Variants in CTTNBP2NL observed in about 807,000 individuals in gnomAD.
CTTNBP2NL encodes the protein CTTNBP2 N-terminal like.
Under a neutral mutation model 32.5 loss-of-function variants are expected in CTTNBP2NL, and 16 were observed. That is an observed-to-expected ratio of 0.49 (90% CI 0.33 to 0.75). The LOEUF (loss-of-function observed/expected upper bound fraction) is 0.75, where lower values mean the gene tolerates loss of function less well. CTTNBP2NL is among the 30% of genes least tolerant of loss of function. The probability of loss-of-function intolerance (pLI) is 0.02; values close to 1 mark genes in which losing one functional copy is unlikely to be tolerated. For synonymous variants in CTTNBP2NL, 298 were observed against 289.4 expected, an observed-to-expected ratio of 1.03 and a Z score of -0.30; for missense variants, 645 against 756.0, an observed-to-expected ratio of 0.85 and a Z score of 1.72.
intron 3 of CTTNBP2NL, among the ~76,000 whole-genome samples, chr1:112,446,815 G>T (rs548884240): frequency 6.6e-6 from 1 of 152,272 alleles, no homozygotes; most frequent in South Asian, 2.1e-4. Context: ...CTCCCAAAGT[G>T]CTGGGATTAC....
chr1:112,423,687 A>G (rs142419824), intron 3 of CTTNBP2NL, among the ~76,000 whole-genome samples: 1 of 152,304 alleles, frequency 6.6e-6, no homozygotes, highest in East Asian at 1.9e-4. Context: ...TTGAAGAGCA[A>G]AAGTTTTTCA....
chr1:112,428,029 C>T (rs1483748663), intron 3 of CTTNBP2NL, among the ~76,000 whole-genome samples: 1 of 151,936 alleles, frequency 6.6e-6, no homozygotes, highest in Middle Eastern at 3.4e-3. Context: ...AGTAGTGTTC[C>T]TAGGACAAAA....
chr1:112,424,733 AT>A (rs769095021), intron 3 of CTTNBP2NL, among the ~76,000 whole-genome samples: 22 of 151,672 alleles, frequency 1.5e-4, no homozygotes, highest in Non-Finnish European at 2.7e-4. Flanking sequence ...GCTTTTTCAC[AT>A]TTTTTTTGTC....
chr1:112,442,201 C>T (rs768361613), intron 3 of CTTNBP2NL, among the ~76,000 whole-genome samples: 1 of 152,180 alleles, frequency 6.6e-6, no homozygotes, highest in Admixed American at 6.5e-5. Flanking sequence ...TCTCGGCTCA[C>T]TGCAGCCTCT....
intron 3 of CTTNBP2NL, among the ~76,000 whole-genome samples, chr1:112,432,787 T>C (rs991352044): frequency 3.3e-5 from 5 of 151,738 alleles, no homozygotes; most frequent in Admixed American, 6.6e-5. Context: ...AATCTTGCCA[T>C]CCTTCTAAGT....
intron 3 of CTTNBP2NL, among the ~76,000 whole-genome samples, chr1:112,446,312 GC>G (rs1232985283): frequency 6.6e-6 from 1 of 151,916 alleles, no homozygotes; most frequent in Non-Finnish European, 1.5e-5. Context: ...GCTGCAGTGA[GC>G]TGTGATCACA....
chr1:112,431,350 G>A (rs1649565019), intron 3 of CTTNBP2NL, among the ~76,000 whole-genome samples: 1 of 152,208 alleles, frequency 6.6e-6, no homozygotes, highest in Admixed American at 6.5e-5. Context: ...AGAAGCAAAG[G>A]AAGACAAAGA....
rs752429702 is a variant in CTTNBP2NL, at chr1:112,456,407, C to T, written c.915C>T (p.Leu305=). The change falls in exon 6 of 6, where the codon CTC becomes CTT. Residue 305 remains leucine (L), a synonymous_variant. Transcript: ENST00000271277. The stretch of plus-strand genomic sequence containing the variant: ...CCAAAGGCACAGCAACTGAGCCTCT[C>T]ATGCTAATGTCTGTGTTTTGCCAAA... The part of the protein sequence containing the change: ...TVSKGTATEP[L]MLMSVFCQTE... 6.2e-7 allele frequency: 1 copy of T among 1,614,092 alleles called. No individual in the cohort carries two copies. Among genetic ancestry groups the T allele is most frequent in the African/African-American group, 1.3e-5 (1 of 75,034 alleles).
chr1:112,408,019 G>A (rs1236843834), intron 1 of CTTNBP2NL, among the ~76,000 whole-genome samples: 2 of 150,850 alleles, frequency 1.3e-5, no homozygotes, highest in Non-Finnish European at 3.0e-5. Flanking sequence ...GCTAATTTTT[G>A]CATTTTTTGT....
intron 3 of CTTNBP2NL, among the ~76,000 whole-genome samples, chr1:112,440,936 CTTTGA>C (rs1357954151): frequency 1.3e-5 from 2 of 152,096 alleles, no homozygotes; most frequent in South Asian, 2.1e-4. Context: ...GTTAAAAATA[CTTTGA>C]TTTGACCTTC....
At chr1:112,406,183 CAA>C (rs768573866) in intron 1 of CTTNBP2NL, among the ~76,000 whole-genome samples, 1 of 124,940 alleles carries the variant, frequency 8.0e-6, no homozygotes, top group Admixed American at 8.1e-5. Flanking sequence ...GACTCCGTCT[CAA>C]AAAAAAAAAA....
chr1:112,460,761 G>C lies in CTTNBP2NL; in HGVS notation c.*3349G>C, dbSNP rs1351697807. On this transcript the variant is annotated 3_prime_UTR_variant, in exon 6 of 6. Coordinates refer to ENST00000271277, the MANE Select transcript of CTTNBP2NL (RefSeq NM_018704.3). The stretch of plus-strand genomic sequence containing the variant: ...GAAAATCCTTTGATGTCTAAAAAAT[G>C]TTCAAATAGTGTGGATGTTTACATA... 3 of 152,186 alleles carry C rather than the reference G, an allele frequency of 2.0e-5. No individual in the cohort carries two copies. The highest frequency in any genetic ancestry group is 7.2e-5 in the African/African-American group (3 of 41,446). The allele number at this position is 152,186 out of a possible 1,614,324, so 9.4% of individuals were successfully genotyped here.
chr1:112,448,372 A>C (rs1434780220), intron 3 of CTTNBP2NL, among the ~76,000 whole-genome samples: 2 of 152,218 alleles, frequency 1.3e-5, no homozygotes, highest in South Asian at 4.1e-4. Context: ...TCCTGCTTAT[A>C]TTTTGCACAC....
chr1:112,449,753 T>TGTGTGTGTGTGTGTGTGTGTGTGTGTG (rs58369949), intron 4 of CTTNBP2NL, among the ~76,000 whole-genome samples: 62 of 25,426 alleles, frequency 2.4e-3, no homozygotes, highest in Admixed American at 2.9e-3. Flanking sequence ...TGTGTGTGTG[T>TGTGTGTGTGTGTGTGTGTGTGTGTGTG]TTTCCATATT....
At chr1:112,421,277 C>T (rs1007157115) in intron 3 of CTTNBP2NL, among the ~76,000 whole-genome samples, 2 of 150,178 alleles carry the variant, frequency 1.3e-5, no homozygotes, top group African/African-American at 4.9e-5. Flanking sequence ...TTGAGTCTAG[C>T]CTTTGCAACA....
chr1:112,421,633 G>A (rs1339192488), intron 3 of CTTNBP2NL, among the ~76,000 whole-genome samples: 2 of 150,894 alleles, frequency 1.3e-5, no homozygotes, highest in African/African-American at 4.9e-5. Flanking sequence ...AAAAAAAAAG[G>A]AGAAGAAGAA....
intron 2 of CTTNBP2NL, among the ~76,000 whole-genome samples, chr1:112,413,522 G>A (rs1207489568): frequency 6.6e-6 from 1 of 152,160 alleles, no homozygotes; most frequent in Non-Finnish European, 1.5e-5. Flanking sequence ...AGAAAACGGA[G>A]TCAGATAACT....
At chr1:112,433,105 T>C (rs1649616172) in intron 3 of CTTNBP2NL, among the ~76,000 whole-genome samples, 1 of 152,186 alleles carries the variant, frequency 6.6e-6, no homozygotes, top group African/African-American at 2.4e-5. Context: ...CTAGATAAAA[T>C]GTCCCTTCCT....
rs190026460 is a variant in CTTNBP2NL, at chr1:112,402,156, C to T, written c.-134+5884C>T. On this transcript the variant is annotated intron_variant, in intron 1 of 5. Transcript: ENST00000271277. Reference sequence around the variant, plus strand: ...GAGCCAGGCCAGGCATGGTGACTCACGCCTGTAATCCCAGCACTTTGGGAG... The same window carrying T: ...GAGCCAGGCCAGGCATGGTGACTCATGCCTGTAATCCCAGCACTTTGGGAG... Among the ~76,000 whole-genome samples the T allele has an allele frequency of 3.0e-3, 451 of 151,980 alleles. 3 individuals are homozygous for T. The highest frequency in any genetic ancestry group is 0.01 in the African/African-American group (416 of 41,424).
Sources: gnomAD v4.1 joint callset for allele counts (sites outside exome capture counted in the v4.1 genomes callset) on GRCh38, gnomAD v4.1.1 for gene constraint, MANE v1.5 for transcripts, NCBI Gene and HGNC (gene_info 2026-07-23, HGNC 2026-07-21) for gene names.